Variants in POLD2 observed in about 807,000 individuals in gnomAD.
POLD2 encodes DNA polymerase delta subunit 2.
In POLD2, 31 loss-of-function variants were observed where a neutral mutation model predicts 48.8. That is an observed-to-expected ratio of 0.64 (90% confidence interval 0.48 to 0.86). The LOEUF is 0.86. Among genes scored for constraint, POLD2 ranks in the 40% least tolerant of loss-of-function variants. POLD2 has a pLI of 0.00. For missense variants in POLD2, 455 were observed against 610.1 expected (o/e 0.75, Z 2.68); for synonymous variants, 233 against 256.3 (o/e 0.91, Z 0.87).
intron 2 of POLD2, among the ~76,000 whole-genome samples, chr7:44,120,874 A>G (rs2096247278): frequency 6.6e-6 from 1 of 152,294 alleles, no homozygotes; most frequent in South Asian, 2.1e-4. Context: ...TTTTTATAGC[A>G]ATGTGAAAAT....
chr7:44,115,802 C>T lies in POLD2; in HGVS notation c.1111G>A (p.Val371Ile). 6.2e-7 allele frequency: 1 copy of T among 1,614,084 alleles called. No homozygotes were observed. Among genetic ancestry groups the T allele is most frequent in the Non-Finnish European group, 8.5e-7 (1 of 1,180,004 alleles). The change falls in exon 9 of 11, where the codon GTC (valine) becomes ATC (isoleucine). Residue 371 changes from valine (V) to isoleucine (I), a missense_variant. Val to Ile is a conservative substitution (Grantham distance 29). Transcript: ENST00000610533. ...HLEILEWTLR[V>I]RHISPTAPDT... ...GGGGCTGTGGGGCTGATGTGACGGA[C>T]CCGCAGGGTCCACTCCAGGATCTCC...
chr7:44,117,909 C>T, intron 3 of POLD2, 34 bp downstream of exon 3: 1 of 1,609,048 alleles, frequency 6.2e-7, no homozygotes, highest in Non-Finnish European at 8.5e-7. Context: ...GCCAGGTCTG[C>T]CTGGCGGCCC....
intron 3 of POLD2, 56 bp from the exon 4 acceptor site, chr7:44,117,798 G>C (rs1054480018): frequency 7.5e-6 from 12 of 1,610,370 alleles, no homozygotes; most frequent in Admixed American, 6.7e-5. Context: ...CAAAGCTCTG[G>C]TGTTAGTGAG....
In POLD2 at chr7:44,116,435, G is replaced by T; in HGVS notation, c.856C>A (p.Leu286Met). Residue 286 changes from leucine (L) to methionine (M), a missense_variant, in exon 7 of 11, where the codon CTG becomes ATG. Physicochemically the swap from Leu to Met is conservative, Grantham distance 15 (BLOSUM62 2). Coordinates refer to ENST00000610533, the MANE Select transcript of POLD2 (RefSeq NM_006230.4). The surrounding 1 kb of genome is among the most constrained non-coding windows in gnomAD (Gnocchi z 6.1). ...VKMLDEILLQLSASVPVDVMP... is the reference protein window; with the variant it reads ...VKMLDEILLQMSASVPVDVMP... ...CCAGCCCCCAGCTCGCTCACGCTCA[G>T]CTGCAGGAGGATCTCATCCAGCATC... The T allele has an allele frequency of 6.3e-7, 1 of 1,577,942 alleles. No individual in the cohort carries two copies. Among genetic ancestry groups the T allele is most frequent in the Non-Finnish European group, 8.6e-7 (1 of 1,161,222 alleles).
rs1197110476 is a variant in POLD2 at position 44,116,693 on chromosome 7, TGCAGGG to T, written c.780+118_780+123del. ...CCATTGCAGGAGGCCCCAGAGTCAC[TGCAGGG>T]CGCTTCCCACCGACCTGCGAGACCT... is the stretch of plus-strand genomic sequence containing the variant. On this transcript the variant is annotated intron_variant, in intron 6 of 10. Transcript: ENST00000610533. This position sits in a 1 kb window ranked among gnomAD's most constrained non-coding sequence, Gnocchi z 6.1. 7.4e-5 allele frequency: 83 copies of T among 1,117,554 alleles called. No individual in the cohort carries two copies. Among genetic ancestry groups the T allele is most frequent in the Non-Finnish European group, 9.9e-5 (76 of 770,210 alleles). 69.2% of individuals were successfully genotyped at this position (1,117,554 alleles called of 1,614,324 possible).
At position 44,121,349 on chromosome 7, in the gene POLD2, C is replaced by A. The variant is rs968807452; in HGVS notation, c.220+485G>T. On this transcript the variant is annotated intron_variant, in intron 2 of 10. Coordinates refer to ENST00000610533, the MANE Select transcript of POLD2 (RefSeq NM_006230.4). This position sits in a 1 kb window ranked among gnomAD's most constrained non-coding sequence, Gnocchi z 4.5. ...CCACTTTATTAGGAAAGACAGAGGG[C>A]CCAAGGGACAGGAAAATTCATGGCC... Among the ~76,000 whole-genome samples, 5 of 152,130 alleles carry A rather than the reference C, an allele frequency of 3.3e-5. No homozygotes were observed. The South Asian group carries it at 8.3e-4, about 25-fold the overall frequency.
chr7:44,117,297 C>T (rs757611150), intron 4 of POLD2, 50 bp from the exon 5 acceptor site: 43 of 1,356,174 alleles, frequency 3.2e-5, no homozygotes, highest in Non-Finnish European at 4.1e-5. Context: ...GGTGCTACCA[C>T]TCCTTCCAGT....
intron 1 of POLD2, chr7:44,122,863 GTTA>G (rs1378561101): frequency 6.6e-6 from 1 of 152,350 alleles, no homozygotes; most frequent in African/African-American, 2.4e-5. Context: ...TACTTCAACT[GTTA>G]TTGTTGTTTA....
Position 44,116,344 on chromosome 7 carries a change from C to CCTGCCCTCCTGG in POLD2, c.862-73_862-72insCCAGGAGGGCAG. ...CCCTACACCAACTCCGGCCACTCCC[C>CCTGCCCTCCTGG]CTGCCCTCCTGCCTGCCTTCTGTTG... is the stretch of plus-strand genomic sequence containing the variant. On this transcript the variant is annotated intron_variant, in intron 7 of 10. Coordinates refer to ENST00000610533, the MANE Select transcript of POLD2 (RefSeq NM_006230.4). The surrounding 1 kb of genome is among the most constrained non-coding windows in gnomAD (Gnocchi z 6.1). The CCTGCCCTCCTGG allele has an allele frequency of 6.3e-7, 1 of 1,597,608 alleles. No homozygotes were observed. Among genetic ancestry groups the CCTGCCCTCCTGG allele is most frequent in the Non-Finnish European group, 8.6e-7 (1 of 1,169,324 alleles).
Position 44,116,711 on chromosome 7 carries a change from G to A in POLD2, c.780+106C>T, listed in dbSNP as rs752947684. Reference sequence around the variant, plus strand: ...GAGTCACTGCAGGGCGCTTCCCACCGACCTGCGAGACCTCACAGGGTACCC... The same window carrying A: ...GAGTCACTGCAGGGCGCTTCCCACCAACCTGCGAGACCTCACAGGGTACCC... On this transcript the variant is annotated intron_variant, in intron 6 of 10. Transcript: ENST00000610533. This position sits in a 1 kb window ranked among gnomAD's most constrained non-coding sequence, Gnocchi z 6.1. The A allele has an allele frequency of 8.3e-5, 106 of 1,278,122 alleles. 1 individual carries two copies. The highest frequency in any genetic ancestry group is 4.3e-4 in the South Asian group (33 of 77,378). 79.2% of individuals were successfully genotyped at this position (1,278,122 alleles called of 1,614,324 possible).
chr7:44,116,988 G>T lies in POLD2; in HGVS notation c.609C>A (p.Gly203=). ...GGCTCTCGCCTCCACCGCCACCCAG[G>T]CCCAGGCCGGACACCAGTAGCACAA... is the stretch of plus-strand genomic sequence containing the variant. ...DRFVLLVSGL[G]LGGGGGESLL... The change falls in exon 6 of 11, where the codon GGC becomes GGA. Residue 203 remains glycine (G), a synonymous_variant. Coordinates refer to ENST00000610533, the MANE Select transcript of POLD2 (RefSeq NM_006230.4). The surrounding 1 kb of genome is among the most constrained non-coding windows in gnomAD (Gnocchi z 6.1). 6.2e-7 allele frequency: 1 copy of T among 1,613,526 alleles called. No homozygotes were observed. The highest frequency in any genetic ancestry group is 8.5e-7 in the Non-Finnish European group (1 of 1,179,950).
At chr7:44,120,447 A>G (rs892526329) in intron 2 of POLD2, among the ~76,000 whole-genome samples, 5 of 152,214 alleles carry the variant, frequency 3.3e-5, no homozygotes, top group African/African-American at 1.2e-4. Flanking sequence ...CCGGAGCCGC[A>G]GGAGGGAGCC....
At chr7:44,117,076 A>G in intron 5 of POLD2, 57 bp downstream of exon 5, 1 of 1,609,354 alleles carries the variant, frequency 6.2e-7, no homozygotes, top group Non-Finnish European at 8.5e-7. Context: ...TCCTAGGTGC[A>G]ACTCAAAGAT....
At chr7:44,117,283 C>A (rs2096241586) in intron 4 of POLD2, 36 bp from the exon 5 acceptor site, 1 of 1,488,504 alleles carries the variant, frequency 6.7e-7, no homozygotes, top group Non-Finnish European at 9.3e-7. Context: ...AGCAGGGAGC[C>A]CCAGGTGCTA....
At position 44,122,092 on chromosome 7, in the gene POLD2, C is replaced by T. The variant is rs1295101280; in HGVS notation, c.-39G>A. On this transcript the variant is annotated 5_prime_UTR_variant, in exon 2 of 11. Coordinates refer to ENST00000610533, the MANE Select transcript of POLD2 (RefSeq NM_006230.4). ...ACTTGCTTGGTCCACACAGCTTCGC[C>T]CAGGCCAAGGAGGTTCACTGCGAAA... is the stretch of plus-strand genomic sequence containing the variant. 3 of 1,605,674 alleles carry T rather than the reference C, an allele frequency of 1.9e-6. No individual in the cohort carries two copies. The highest frequency in any genetic ancestry group is 2.6e-6 in the Non-Finnish European group (3 of 1,175,142).
Position 44,123,512 on chromosome 7 carries a change from G to T in POLD2, c.-58C>A. ...CCCGTTTCCCTGGACCCCACTCACC[G>T]CGCGGCGCGCCGCATCCCGCCAATC... On this transcript the variant is annotated splice_region_variant and 5_prime_UTR_variant, in exon 1 of 11. Coordinates refer to ENST00000610533, the MANE Select transcript of POLD2 (RefSeq NM_006230.4). 1.3e-6 allele frequency: 2 copies of T among 1,482,494 alleles called. No individual in the cohort carries two copies. The highest frequency in any genetic ancestry group is 2.3e-5 in the Admixed American group (1 of 44,116). 91.8% of individuals were successfully genotyped at this position (1,482,494 alleles called of 1,614,324 possible).
intron 2 of POLD2, among the ~76,000 whole-genome samples, chr7:44,120,717 T>C (rs2096247091): frequency 6.6e-6 from 1 of 152,110 alleles, no homozygotes. Context: ...TTCCCCTTGC[T>C]CTCTCTCTCC....
chr7:44,120,449 G>A (rs1366704632), intron 2 of POLD2, among the ~76,000 whole-genome samples: 1 of 152,236 alleles, frequency 6.6e-6, no homozygotes. Context: ...GGAGCCGCAG[G>A]AGGGAGCCCC....
intron 9 of POLD2, 176 bp downstream of exon 9, chr7:44,115,590 C>T: frequency 3.7e-6 from 3 of 805,714 alleles, no homozygotes; most frequent in Non-Finnish European, 5.9e-6. Flanking sequence ...AGCCATTGGC[C>T]TTAGAATTAA....
Sources: gnomAD v4.1 joint callset for allele counts (sites outside exome capture counted in the v4.1 genomes callset) on GRCh38, gnomAD v4.1.1 for gene constraint, Gnocchi (gnomAD v3.1) non-coding constraint, MANE v1.5 for transcripts, NCBI Gene and HGNC (gene_info 2026-07-23, HGNC 2026-07-21) for gene names.